PELP1: variants seen among roughly 807,000 people sequenced by gnomAD.
The protein encoded by PELP1 is proline, glutamate and leucine rich protein 1.
In PELP1, 32 loss-of-function variants were observed where a neutral mutation model predicts 95.5. That is an observed-to-expected ratio of 0.34 (90% CI 0.25 to 0.45). The LOEUF (loss-of-function observed/expected upper bound fraction) is 0.45. Ranked by LOEUF, PELP1 falls within the 20% of genes least tolerant of loss-of-function variation. The pLI, the probability that PELP1 is intolerant of heterozygous loss-of-function variation, is 1.00. For synonymous variants in PELP1, 668 were observed against 600.1 expected (o/e 1.11, Z -1.65); for missense variants, 1,358 against 1,444.8 (o/e 0.94, Z 0.97).
At chr17:4,676,613 A>G in intron 6 of PELP1, 106 bp from the exon 7 acceptor site, 3 of 1,473,566 alleles carry the variant, frequency 2.0e-6, no homozygotes, top group Non-Finnish European at 2.8e-6. Flanking sequence ...GAGAGCTCTG[A>G]GGGAAACCTG....
chr17:4,674,968 G>A lies in PELP1; in HGVS notation c.1275-12C>T, dbSNP rs371883794. ...TGGTCCGAACCGTGCTGTGTCATGA[G>A]CAAAGATGGCAGTTATGAATGGGGG... On this transcript the variant is annotated splice_polypyrimidine_tract_variant and intron_variant, in intron 11 of 16. Transcript: ENST00000572293. The A allele has an allele frequency of 6.2e-7, 1 of 1,606,666 alleles. No individual in the cohort carries two copies. Among genetic ancestry groups the A allele is most frequent in the African/African-American group, 1.3e-5 (1 of 74,774 alleles).
At chr17:4,702,582 G>C (rs763125113) in intron 1 of PELP1, among the ~76,000 whole-genome samples, 2 of 152,196 alleles carry the variant, frequency 1.3e-5, no homozygotes, top group Non-Finnish European at 2.9e-5. Context: ...TGAGATAGCA[G>C]AGATATAGTT....
chr17:4,683,104 C>T, intron 3 of PELP1, 152 bp from the exon 4 acceptor site: 2 of 1,306,004 alleles, frequency 1.5e-6, no homozygotes, highest in African/African-American at 1.5e-5. Flanking sequence ...GGTGTGGAGA[C>T]ACGGATACTG....
chr17:4,684,142 C>T (rs1489953165), intron 3 of PELP1, among the ~76,000 whole-genome samples: 1 of 152,058 alleles, frequency 6.6e-6, no homozygotes, highest in Non-Finnish European at 1.5e-5. Context: ...GGAAAAACAT[C>T]CAGCATATAT....
chr17:4,701,915 GA>G (rs1305330198), intron 1 of PELP1, among the ~76,000 whole-genome samples: 2 of 152,108 alleles, frequency 1.3e-5, no homozygotes. Context: ...AGTAGCACAG[GA>G]AATATTAAAG....
chr17:4,674,119 C>T (rs560137498), intron 13 of PELP1, among the ~76,000 whole-genome samples: 3 of 152,298 alleles, frequency 2.0e-5, no homozygotes, highest in South Asian at 2.1e-4. Flanking sequence ...GAGCCTTCCC[C>T]GCATGCTGGA....
chr17:4,682,765 C>A, intron 4 of PELP1, 38 bp downstream of exon 4: 1 of 1,534,974 alleles, frequency 6.5e-7, no homozygotes, highest in Non-Finnish European at 8.8e-7. Flanking sequence ...GTGAGGACTG[C>A]GGGGGGCCAT....
chr17:4,670,407 G>A lies in PELP1; in HGVS notation c.*1032C>T, dbSNP rs1251914962. On this transcript the variant is annotated 3_prime_UTR_variant, in exon 17 of 17. Coordinates refer to ENST00000572293, the MANE Select transcript of PELP1 (RefSeq NM_014389.3). ...CACACGTCCATCCCAGCAAGGCCTA[G>A]AATAGGATTAGTGCTTAAAGAAAAG... 1 of 152,226 alleles carries A rather than the reference G, an allele frequency of 6.6e-6. No individual in the cohort carries two copies. The highest frequency in any genetic ancestry group is 1.5e-5 in the Non-Finnish European group (1 of 68,048). The allele number at this position is 152,226 out of a possible 1,614,324, so 9.4% of individuals were successfully genotyped here.
Position 4,673,278 on chromosome 17 carries a change from G to A in PELP1, c.1817C>T (p.Ser606Phe). ...PPLACALQAF[S>F]LGQREDSLEV... ...AAGGCTATCTTCTCGCTGGCCGAGG[G>A]AGAAGGCTTGCAGGGCACAGGCAAG... Residue 606 changes from serine to phenylalanine, a missense_variant, in exon 15 of 17, where the codon TCC becomes TTC. Around this residue, in one of 7 missense-constraint regions of PELP1, gnomAD observed 18 missense variants for 39.0 expected, o/e 0.46. Transcript: ENST00000572293. The surrounding 1 kb of genome is among the most constrained non-coding windows in gnomAD (Gnocchi z 5.7). 6.3e-7 allele frequency: 1 copy of A among 1,578,634 alleles called. No individual in the cohort carries two copies. Among genetic ancestry groups the A allele is most frequent in the Non-Finnish European group, 8.6e-7 (1 of 1,161,962 alleles).
Position 4,673,429 on chromosome 17 carries a change from C to T in PELP1, c.1666G>A (p.Val556Ile). 1 of 1,594,212 alleles carries T rather than the reference C, an allele frequency of 6.3e-7. No homozygotes were observed. The change falls in exon 15 of 17, where the codon GTC becomes ATC. Residue 556 changes from valine (V) to isoleucine (I), a missense_variant. This residue lies in a region of PELP1 where 538 missense variants were observed against 628.1 expected (regional missense o/e 0.86). Transcript: ENST00000572293. This position sits in a 1 kb window ranked among gnomAD's most constrained non-coding sequence, Gnocchi z 5.7. The stretch of plus-strand genomic sequence containing the variant: ...ACCTCACCCTGCTGTACACCCATGA[C>T]CAGGGGGAGGACCAGGTCATGCAGT... ...RRLHDLVLPL[V>I]MGVQQGEVLG...
At position 4,690,870 on chromosome 17, in the gene PELP1, C is replaced by T; in HGVS notation, c.420+18G>A. 2.0e-6 allele frequency: 3 copies of T among 1,512,446 alleles called. No individual in the cohort carries two copies. The highest frequency in any genetic ancestry group is 2.8e-6 in the Non-Finnish European group (3 of 1,087,560). 93.7% of individuals were successfully genotyped at this position (1,512,446 alleles called of 1,614,324 possible). A position where few individuals can be genotyped will look rare whatever the true frequency, so the allele number is the denominator to read the frequency against. The stretch of plus-strand genomic sequence containing the variant: ...GATGGGGGAGGAGGAGGAAGTAGGG[C>T]AGCAGCTGAAACCTCACCTGTAACA... On this transcript the variant is annotated intron_variant, in intron 3 of 16. Coordinates refer to ENST00000572293, the MANE Select transcript of PELP1 (RefSeq NM_014389.3).
chr17:4,683,829 CTTTTT>C (rs994295435), intron 3 of PELP1, among the ~76,000 whole-genome samples: 3 of 91,294 alleles, frequency 3.3e-5, no homozygotes, highest in African/African-American at 5.5e-5. Flanking sequence ...AGTGCCCAGC[CTTTTT>C]TTTTTTTTTT....
intron 1 of PELP1, among the ~76,000 whole-genome samples, chr17:4,698,187 G>C (rs373654804): frequency 6.6e-6 from 1 of 151,826 alleles, no homozygotes; most frequent in Non-Finnish European, 1.5e-5. Context: ...TGCTGAAAAC[G>C]CACAAATCTC....
chr17:4,688,629 A>G (rs918516040), intron 3 of PELP1, among the ~76,000 whole-genome samples: 1 of 152,196 alleles, frequency 6.6e-6, no homozygotes, highest in African/African-American at 2.4e-5. Context: ...ACTTAGGAAT[A>G]CACCTAACCA....
intron 1 of PELP1, among the ~76,000 whole-genome samples, chr17:4,697,187 G>A (rs1270545209): frequency 1.3e-5 from 2 of 152,024 alleles, no homozygotes; most frequent in East Asian, 1.9e-4. Context: ...TTACTGGAAA[G>A]GAGTAACCAG....
intron 5 of PELP1, among the ~76,000 whole-genome samples, chr17:4,678,379 G>A (rs1395761167): frequency 6.6e-6 from 1 of 152,002 alleles, no homozygotes; most frequent in Non-Finnish European, 1.5e-5. Flanking sequence ...GGAGACTGAC[G>A]TGGGAGGATC....
In PELP1 at chr17:4,673,643, A is replaced by G; in HGVS notation, c.1614T>C (p.Pro538=). ...GLSRTILMCG[P]LIKEETHRRL... is the part of the protein sequence containing the mutation. ...CCCTGTGAGTCTCCTCCTTGATGAG[A>G]GGCCCACACATGAGGATGGTCCGGC... Residue 538 remains proline, a synonymous_variant, in exon 14 of 17, where the codon CCT becomes CCC. Coordinates refer to ENST00000572293, the MANE Select transcript of PELP1 (RefSeq NM_014389.3). This position sits in a 1 kb window ranked among gnomAD's most constrained non-coding sequence, Gnocchi z 5.7. 6.2e-7 allele frequency: 1 copy of G among 1,613,926 alleles called. No individual in the cohort carries two copies. The highest frequency in any genetic ancestry group is 8.5e-7 in the Non-Finnish European group (1 of 1,179,830).
At chr17:4,696,561 C>T (rs1913305258) in intron 1 of PELP1, 1 of 152,154 alleles carries the variant, frequency 6.6e-6, no homozygotes, top group Non-Finnish European at 1.5e-5. Context: ...AGAAATTGCG[C>T]ACAGGAGTGA....
chr17:4,698,480 A>AT, intron 1 of PELP1, among the ~76,000 whole-genome samples: 1 of 151,354 alleles, frequency 6.6e-6, no homozygotes, highest in East Asian at 1.9e-4. Context: ...TAAAAAAAAA[A>AT]AAAGAAAAAA....
Sources: allele counts gnomAD v4.1 joint callset (sites outside exome capture counted in the v4.1 genomes callset), GRCh38; gene constraint gnomAD v4.1.1; regional missense constraint gnomAD v4.1.1; non-coding constraint Gnocchi (gnomAD v3.1); transcripts MANE v1.5; gene names NCBI Gene and HGNC (gene_info 2026-07-23, HGNC 2026-07-21).